Variants in MYBPC1 observed in about 807,000 individuals in gnomAD.
MYBPC1 encodes the protein myosin binding protein C1, also known as myosin-binding protein C, slow-type.
Under a neutral mutation model 147.1 loss-of-function variants are expected in MYBPC1, and 52 were observed. The observed-to-expected ratio is 0.35, with a 90% CI of 0.28 to 0.45. The LOEUF (loss-of-function observed/expected upper bound fraction) is 0.45, where lower values mean the gene tolerates loss of function less well. MYBPC1 is among the 20% of genes least tolerant of loss of function. MYBPC1 has a pLI of 1.00. For synonymous variants in MYBPC1, 477 were observed against 475.9 expected, an observed-to-expected ratio of 1.00 and a Z score of -0.03; for missense variants, 1,228 against 1,440.3, an observed-to-expected ratio of 0.85 and a Z score of 2.39.
intron 1 of MYBPC1, among the ~76,000 whole-genome samples, chr12:101,614,269 A>G (rs1437114874): frequency 6.6e-6 from 1 of 152,114 alleles, no homozygotes; most frequent in Non-Finnish European, 1.5e-5. Context: ...TACCACACAT[A>G]AATGGCAGCA....
intron 1 of MYBPC1, among the ~76,000 whole-genome samples, chr12:101,599,122 G>A (rs554619601): frequency 5.3e-5 from 8 of 152,104 alleles, no homozygotes; most frequent in Non-Finnish European, 4.4e-5. Context: ...AAACTCAAAC[G>A]TATGGCCAAT....
At chr12:101,654,369 A>G (rs996892063) in intron 18 of MYBPC1, among the ~76,000 whole-genome samples, 11 of 152,248 alleles carry the variant, frequency 7.2e-5, no homozygotes, top group African/African-American at 2.7e-4. Flanking sequence ...AAGACATTGG[A>G]CATCAGATCG....
downstream of MYBPC1, among the ~76,000 whole-genome samples, chr12:101,686,658 T>A (rs1951352297): frequency 1.3e-5 from 2 of 152,238 alleles, no homozygotes; most frequent in Admixed American, 1.3e-4. Context: ...TTTTTCTTTT[T>A]GGTCTTTTGT....
At chr12:101,634,939 A>G (rs1200075163) in intron 9 of MYBPC1, among the ~76,000 whole-genome samples, 2 of 152,230 alleles carry the variant, frequency 1.3e-5, no homozygotes, top group Admixed American at 6.5e-5. Context: ...GAAATACGCA[A>G]AGAGACTCAT....
rs1377674010 is a variant in MYBPC1 at position 101,652,971 on chromosome 12, C to A, written c.1634-144C>A. The stretch of plus-strand genomic sequence containing the variant: ...TACAATAAAATGGTTTTGCAAGGTG[C>A]CAGGCACCAACTATCTTGACTCCTC... On this transcript the variant is annotated intron_variant, in intron 17 of 31. Coordinates refer to ENST00000361466, the MANE Select transcript of MYBPC1 (RefSeq NM_002465.4). The A allele has an allele frequency of 3.3e-6, 4 of 1,226,184 alleles. No individual in the cohort carries two copies. The East Asian group carries it at 7.5e-5, about 23-fold the overall frequency. The allele number at this position is 1,226,184 out of a possible 1,614,324, so 76.0% of individuals were successfully genotyped here.
chr12:101,657,202 CA>C (rs1248387160), intron 18 of MYBPC1, among the ~76,000 whole-genome samples: 1 of 151,942 alleles, frequency 6.6e-6, no homozygotes, highest in Non-Finnish European at 1.5e-5. Context: ...TAAGTTGCAG[CA>C]AAAGCAGTGC....
intron 1 of MYBPC1, among the ~76,000 whole-genome samples, chr12:101,606,355 T>C (rs930366595): frequency 4.2e-4 from 64 of 152,222 alleles, no homozygotes; most frequent in African/African-American, 1.5e-3. Context: ...GCAAATAATG[T>C]CTTAGCATTA....
chr12:101,628,920 ACT>A (rs1889232427), intron 5 of MYBPC1: 2 of 208,788 alleles, frequency 9.6e-6, no homozygotes, highest in Non-Finnish European at 1.9e-5. Context: ...CCCTAATAAA[ACT>A]CTCTTACAAA....
At chr12:101,654,049 CA>C (rs1035058546) in intron 18 of MYBPC1, among the ~76,000 whole-genome samples, 1 of 151,942 alleles carries the variant, frequency 6.6e-6, no homozygotes, top group Non-Finnish European at 1.5e-5. Flanking sequence ...ACTAAAAATA[CA>C]AAAAAATTAG....
chr12:101,681,548 T>G (rs2136897844), intron 29 of MYBPC1, among the ~76,000 whole-genome samples: 1 of 101,554 alleles, frequency 9.8e-6, no homozygotes, highest in Non-Finnish European at 1.9e-5. Flanking sequence ...TTGAACAAAA[T>G]AACTTTCATA....
chr12:101,651,430 C>T, intron 16 of MYBPC1, 37 bp downstream of exon 16: 1 of 1,610,564 alleles, frequency 6.2e-7, no homozygotes, highest in South Asian at 1.1e-5. Context: ...GAGGTTTGGT[C>T]CCATTTCTAC....
chr12:101,638,359 C>T (rs1418182667), intron 10 of MYBPC1, among the ~76,000 whole-genome samples: 2 of 152,164 alleles, frequency 1.3e-5, no homozygotes, highest in Admixed American at 1.3e-4. Flanking sequence ...GTGGTAAAAA[C>T]ATGGACTGGA....
At chr12:101,646,971 G>C in intron 13 of MYBPC1, 84 bp downstream of exon 13, 1 of 1,543,644 alleles carries the variant, frequency 6.5e-7, no homozygotes, top group Non-Finnish European at 9.0e-7. Flanking sequence ...AAGTAACTGA[G>C]GCTCCTCTAC....
At chr12:101,624,306 G>T (rs1888060077) in intron 3 of MYBPC1, among the ~76,000 whole-genome samples, 1 of 152,038 alleles carries the variant, frequency 6.6e-6, no homozygotes, top group Non-Finnish European at 1.5e-5. Context: ...GAAATTTCAG[G>T]CCAGTGGGTA....
intron 28 of MYBPC1, among the ~76,000 whole-genome samples, chr12:101,679,640 G>T (rs1053048518): frequency 2.0e-5 from 3 of 152,204 alleles, no homozygotes; most frequent in African/African-American, 7.2e-5. Flanking sequence ...TACTGATCTT[G>T]CATTATCTGA....
At chr12:101,673,026 CAT>C (rs1360720953) in intron 24 of MYBPC1, among the ~76,000 whole-genome samples, 1 of 152,176 alleles carries the variant, frequency 6.6e-6, no homozygotes, top group Non-Finnish European at 1.5e-5. Flanking sequence ...AGGAGCTAGA[CAT>C]AGATTCCAGG....
intron 3 of MYBPC1, among the ~76,000 whole-genome samples, chr12:101,622,957 G>T (rs825100): frequency 0.48 from 72,694 of 151,970 alleles, 17,910 homozygotes; most frequent in East Asian, 0.67. Context: ...TTCCTTCATG[G>T]TCTAAAACAA....
rs1888730841 is a variant in MYBPC1, at chr12:101,626,881, A to T, written c.113A>T (p.Glu38Val). 6.2e-7 allele frequency: 1 copy of T among 1,612,730 alleles called. No homozygotes were observed. Among genetic ancestry groups the T allele is most frequent in the Non-Finnish European group, 8.5e-7 (1 of 1,178,720 alleles). Residue 38 changes from glutamate (E) to valine (V), a missense_variant, in exon 4 of 32, where the codon GAA (glutamate) becomes GTA (valine). Transcript: ENST00000361466. ...AGTTPAKDEE[E>V]VSPPSALPPG... Reference sequence around the variant, plus strand: ...CTATTTCTTGTTTCAGATGAAGAGGAAGTCTCCCCGCCTAGCGCCTTGCCT... The same window carrying T: ...CTATTTCTTGTTTCAGATGAAGAGGTAGTCTCCCCGCCTAGCGCCTTGCCT...
rs1278515732 is a variant in MYBPC1, at chr12:101,665,582, C to A, written c.2356+2022C>A. ...TCTTTCCTTTCTTAAAAATTCTCCT[C>A]ACATGTTAAATAACTTACATGTTCC... On this transcript the variant is annotated intron_variant, in intron 22 of 31. Coordinates refer to ENST00000361466, the MANE Select transcript of MYBPC1 (RefSeq NM_002465.4). Among the ~76,000 whole-genome samples the A allele has an allele frequency of 2.0e-5, 3 of 152,110 alleles. No individual in the cohort carries two copies. The East Asian group carries it at 5.8e-4, about 29-fold the overall frequency.
Sources: gnomAD v4.1 joint callset for allele counts (sites outside exome capture counted in the v4.1 genomes callset) on GRCh38, gnomAD v4.1.1 for gene constraint, MANE v1.5 for transcripts, NCBI Gene and HGNC (gene_info 2026-07-23, HGNC 2026-07-21) for gene names.